The following PIGL variants were observed in gnomAD, a reference collection of about 807,000 sequenced individuals.
PIGL encodes phosphatidylinositol glycan anchor biosynthesis class L.
A neutral mutation model predicts 31.1 loss-of-function variants in PIGL; 22 were observed. That is an observed-to-expected ratio of 0.71 (90% CI 0.51 to 1.01). PIGL has a LOEUF of 1.01. Among genes scored for constraint, PIGL ranks in the 50% least tolerant of loss-of-function variants. PIGL has a pLI of 0.00. For synonymous variants in PIGL, 131 were observed against 117.4 expected, an observed-to-expected ratio of 1.12 and a Z score of -0.75; for missense variants, 302 against 315.9, an observed-to-expected ratio of 0.96 and a Z score of 0.33.
At chr17:16,296,501 T>C (rs1202726175) in intron 2 of PIGL, among the ~76,000 whole-genome samples, 3 of 150,838 alleles carry the variant, frequency 2.0e-5, no homozygotes, top group Non-Finnish European at 4.4e-5. Flanking sequence ...TCCCAGCTAC[T>C]GGGGAGGCTG....
At chr17:16,281,461 G>T (rs2092916376) in intron 2 of PIGL, among the ~76,000 whole-genome samples, 1 of 152,164 alleles carries the variant, frequency 6.6e-6, no homozygotes, top group South Asian at 2.1e-4. Context: ...CTAGGCATTT[G>T]CTCTTTGCAA....
intron 1 of PIGL, among the ~76,000 whole-genome samples, chr17:16,218,605 A>G (rs1193377247): frequency 6.6e-6 from 1 of 151,754 alleles, no homozygotes; most frequent in African/African-American, 2.4e-5. Context: ...CATGAGTATT[A>G]ATTTTTAAAA....
chr17:16,324,779 T>C (rs1424342916), intron 6 of PIGL, among the ~76,000 whole-genome samples: 1 of 152,246 alleles, frequency 6.6e-6, no homozygotes, highest in African/African-American at 2.4e-5. Context: ...CATCCTTTTA[T>C]GTATATCTAG....
At chr17:16,258,103 A>AGAGAGAAAGAG (rs2092803342) in intron 2 of PIGL, among the ~76,000 whole-genome samples, 7 of 65,720 alleles carry the variant, frequency 1.1e-4, no homozygotes, top group African/African-American at 5.3e-4. Flanking sequence ...GAGAGAGAGA[A>AGAGAGAAAGAG]AGAGAGAGAG....
intron 6 of PIGL, 63 bp from the exon 7 acceptor site, chr17:16,325,737 C>A: frequency 8.1e-7 from 1 of 1,227,826 alleles, no homozygotes; most frequent in Non-Finnish European, 1.2e-6. Context: ...GAGGCCAGAT[C>A]TGAAAGTAAT....
chr17:16,235,036 T>C (rs1177555660), intron 2 of PIGL, among the ~76,000 whole-genome samples: 3 of 152,192 alleles, frequency 2.0e-5, no homozygotes, highest in African/African-American at 7.2e-5. Flanking sequence ...TTAACATCTT[T>C]TGTGTATATG....
At chr17:16,268,631 G>A (rs1400074808) in intron 2 of PIGL, among the ~76,000 whole-genome samples, 1 of 151,678 alleles carries the variant, frequency 6.6e-6, no homozygotes, top group Non-Finnish European at 1.5e-5. Flanking sequence ...TGTATTTTTA[G>A]TAGAGATGGG....
In PIGL at chr17:16,229,088, T is replaced by A. The variant is rs576477886; in HGVS notation, c.236-4883T>A. Among the ~76,000 whole-genome samples, 8 of 151,948 alleles carry A rather than the reference T, an allele frequency of 5.3e-5. No homozygotes were observed. The South Asian group carries it at 1.7e-3, about 32-fold the overall frequency. On this transcript the variant is annotated intron_variant, in intron 1 of 6. Coordinates refer to ENST00000225609, the MANE Select transcript of PIGL (RefSeq NM_004278.4). ...GAGTTCAAGACCAGTCTGGACAACA[T>A]AGTGAGATTTCGTCTTTACAAAAAA...
At chr17:16,257,557 G>C (rs2092799488) in intron 2 of PIGL, among the ~76,000 whole-genome samples, 1 of 152,134 alleles carries the variant, frequency 6.6e-6, no homozygotes, top group African/African-American at 2.4e-5. Context: ...CCAGATGGCT[G>C]TATGCCCTCC....
intron 3 of PIGL, among the ~76,000 whole-genome samples, chr17:16,312,095 C>G (rs867256660): frequency 1.4e-5 from 2 of 141,942 alleles, no homozygotes; most frequent in African/African-American, 2.8e-5. Flanking sequence ...GCTGCCCCCC[C>G]ACCTCCCTCC....
intron 2 of PIGL, among the ~76,000 whole-genome samples, chr17:16,274,735 GAAAGT>G (rs374737525): frequency 8.2e-4 from 118 of 144,578 alleles, no homozygotes; most frequent in Middle Eastern, 8.2e-3. Flanking sequence ...AAAAAAAAAA[GAAAGT>G]AAAGGGATAG....
At chr17:16,277,958 A>G (rs2092902301) in intron 2 of PIGL, among the ~76,000 whole-genome samples, 1 of 152,240 alleles carries the variant, frequency 6.6e-6, no homozygotes, top group Non-Finnish European at 1.5e-5. Context: ...AAGAAAGCCA[A>G]GCGCCATTTC....
intron 1 of PIGL, among the ~76,000 whole-genome samples, chr17:16,219,629 G>A (rs143788906): frequency 1.3e-5 from 2 of 152,068 alleles, no homozygotes; most frequent in South Asian, 2.1e-4. Context: ...GTGCAGGGGC[G>A]CAATCTCAGT....
At chr17:16,220,480 ATTTTTT>A (rs745948237) in intron 1 of PIGL, among the ~76,000 whole-genome samples, 1 of 57,208 alleles carries the variant, frequency 1.7e-5, no homozygotes, top group African/African-American at 5.0e-5. Flanking sequence ...TTAAATTGTT[ATTTTTT>A]TTTTTTTTTT....
intron 1 of PIGL, among the ~76,000 whole-genome samples, chr17:16,224,898 C>T (rs2092645287): frequency 1.3e-5 from 2 of 150,498 alleles, no homozygotes; most frequent in South Asian, 4.2e-4. Context: ...CCTCGTGATC[C>T]GCCCACCTCA....
At chr17:16,294,457 A>G (rs1017901667) in intron 2 of PIGL, among the ~76,000 whole-genome samples, 1 of 151,860 alleles carries the variant, frequency 6.6e-6, no homozygotes, top group Non-Finnish European at 1.5e-5. Context: ...GTCCCCCAGT[A>G]CGGTTCTCCC....
At chr17:16,270,403 G>C in intron 2 of PIGL, among the ~76,000 whole-genome samples, 1 of 151,594 alleles carries the variant, frequency 6.6e-6, no homozygotes, top group South Asian at 2.1e-4. Context: ...AGTTTTCCTA[G>C]ACTGATCCTC....
At chr17:16,263,418 G>T (rs910480592) in intron 2 of PIGL, among the ~76,000 whole-genome samples, 1 of 151,954 alleles carries the variant, frequency 6.6e-6, no homozygotes, top group Non-Finnish European at 1.5e-5. Context: ...GACTGCAAGC[G>T]ATCCTTATGC....
chr17:16,319,686 C>T (rs1013817728), intron 6 of PIGL, among the ~76,000 whole-genome samples: 31 of 149,450 alleles, frequency 2.1e-4, no homozygotes, highest in Non-Finnish European at 4.0e-4. Context: ...ACCCGGGAGG[C>T]GGAGGTTGCA....
Sources: gnomAD v4.1 joint callset for allele counts (sites outside exome capture counted in the v4.1 genomes callset) on GRCh38, gnomAD v4.1.1 for gene constraint, MANE v1.5 for transcripts, NCBI Gene and HGNC (gene_info 2026-07-23, HGNC 2026-07-21) for gene names.